Variants in ABCD2 observed in about 807,000 individuals in gnomAD.
The protein encoded by ABCD2 is ATP binding cassette subfamily D member 2.
A neutral mutation model predicts 70.9 loss-of-function variants in ABCD2; 36 were observed. The ratio of observed to expected loss-of-function variants is 0.51; its 90% CI spans 0.39 to 0.67. The LOEUF (loss-of-function observed/expected upper bound fraction) is 0.67, where lower values mean the gene tolerates loss of function less well. Ranked by LOEUF, ABCD2 falls within the 30% of genes least tolerant of loss-of-function variation. The pLI is 0.00. For missense variants in ABCD2, 729 were observed against 890.2 expected (o/e 0.82, Z 2.30); for synonymous variants, 304 against 306.9 (o/e 0.99, Z 0.10).
rs1941469374 is a variant in ABCD2, at chr12:39,573,017, A to T, written c.2003+699T>A. The stretch of plus-strand genomic sequence containing the variant: ...GAGTATGTGATCATGGAAGTATCTC[A>T]CTTTTCTAGTTCTCAGTTTCTTCAT... On this transcript the variant is annotated intron_variant, in intron 9 of 9. Transcript: ENST00000308666. Among the ~76,000 whole-genome samples, 7 of 152,282 alleles carry T rather than the reference A, an allele frequency of 4.6e-5. 1 individual carries two copies. In the South Asian group the frequency reaches 1.5e-3, roughly 32 times the overall value.
chr12:39,575,305 T>G (rs11172667), intron 8 of ABCD2, among the ~76,000 whole-genome samples: 11,287 of 152,214 alleles, frequency 0.074, 601 homozygotes, highest in South Asian at 0.28. Context: ...CAACCTCTAC[T>G]CTAGCAGATG....
intron 2 of ABCD2, among the ~76,000 whole-genome samples, chr12:39,615,941 T>C (rs1052974089): frequency 1.3e-5 from 2 of 152,174 alleles, no homozygotes; most frequent in African/African-American, 4.8e-5. Flanking sequence ...ATATCAAGTA[T>C]AACATGCTCT....
chr12:39,601,821 T>C (rs2120715775), intron 5 of ABCD2, among the ~76,000 whole-genome samples: 1 of 152,218 alleles, frequency 6.6e-6, no homozygotes, highest in South Asian at 2.1e-4. Context: ...AAAAAATTAA[T>C]TTGTTATCTG....
intron 2 of ABCD2, among the ~76,000 whole-genome samples, chr12:39,613,888 A>G (rs999770176): frequency 2.0e-5 from 3 of 152,228 alleles, no homozygotes; most frequent in African/African-American, 7.2e-5. Context: ...TGGATAGTAC[A>G]GCAAATCTGC....
the ABCD2 span, among the ~76,000 whole-genome samples, chr12:39,536,464 A>C: frequency 1.3e-5 from 2 of 152,212 alleles, no homozygotes; most frequent in Non-Finnish European, 2.9e-5. Context: ...GGCACATATA[A>C]ACTGTTCATA....
At chr12:39,541,869 T>C in the ABCD2 span, among the ~76,000 whole-genome samples, 8 of 152,208 alleles carry the variant, frequency 5.3e-5, no homozygotes, top group East Asian at 1.5e-3. Flanking sequence ...GCACATAACA[T>C]TAAGTAAAAG....
the ABCD2 span, among the ~76,000 whole-genome samples, chr12:39,537,552 A>G: frequency 6.6e-6 from 1 of 152,244 alleles, no homozygotes; most frequent in Non-Finnish European, 1.5e-5. Flanking sequence ...AATCAAAATA[A>G]AGCAATCTGG....
intron 6 of ABCD2, among the ~76,000 whole-genome samples, chr12:39,598,419 A>G (rs1461707110): frequency 6.6e-6 from 1 of 152,086 alleles, no homozygotes; most frequent in East Asian, 1.9e-4. Context: ...ACATTTTTTG[A>G]GGTGGAGTTT....
chr12:39,569,431 C>T (rs186923319), intron 9 of ABCD2, among the ~76,000 whole-genome samples: 6 of 152,276 alleles, frequency 3.9e-5, no homozygotes, highest in East Asian at 3.9e-4. Context: ...GAGCCAGGCA[C>T]GGGATATAAT....
At chr12:39,588,213 C>T (rs752209288) in intron 6 of ABCD2, among the ~76,000 whole-genome samples, 1 of 152,082 alleles carries the variant, frequency 6.6e-6, no homozygotes, top group Non-Finnish European at 1.5e-5. Context: ...CTAATATTAT[C>T]CTTTGAGAAG....
the ABCD2 span, among the ~76,000 whole-genome samples, chr12:39,535,439 G>A: frequency 1.3e-5 from 2 of 152,128 alleles, no homozygotes; most frequent in South Asian, 4.1e-4. Context: ...ACATATGTGA[G>A]GGCAAATAAA....
At chr12:39,588,494 C>G (rs111876427) in intron 6 of ABCD2, among the ~76,000 whole-genome samples, 3 of 152,138 alleles carry the variant, frequency 2.0e-5, no homozygotes, top group East Asian at 1.9e-4. Flanking sequence ...CCGCCACAAA[C>G]GAAGGAATGC....
downstream of ABCD2, among the ~76,000 whole-genome samples, chr12:39,548,689 C>T (rs1941050281): frequency 6.6e-6 from 1 of 151,178 alleles, no homozygotes; most frequent in Non-Finnish European, 1.5e-5. Flanking sequence ...TTAATATATA[C>T]AAATTAAATA....
At chr12:39,614,832 C>CT (rs1206565078) in intron 2 of ABCD2, among the ~76,000 whole-genome samples, 1 of 151,930 alleles carries the variant, frequency 6.6e-6, no homozygotes, top group African/African-American at 2.4e-5. Flanking sequence ...GATAGTAACC[C>CT]TTGATATTAC....
intron 9 of ABCD2, among the ~76,000 whole-genome samples, chr12:39,560,265 G>GT (rs1372088566): frequency 1.3e-5 from 2 of 152,074 alleles, no homozygotes; most frequent in Non-Finnish European, 2.9e-5. Flanking sequence ...GTGGTGTTTG[G>GT]TTTTTTGTCC....
rs1246453241 is a variant in ABCD2 at position 39,619,742 on chromosome 12, G to C, written c.-127C>G. On this transcript the variant is annotated 5_prime_UTR_variant, in exon 1 of 10. Transcript: ENST00000308666. ...TAGTCTGCAGCGTTTCTCTTCCACT[G>C]TTGTGTTTTTAATTTTGTTCTGCTG... 1.2e-6 allele frequency: 1 copy of C among 821,624 alleles called. No individual in the cohort carries two copies. The highest frequency in any genetic ancestry group is 2.7e-5 in the East Asian group (1 of 37,426). 50.9% of individuals were successfully genotyped at this position (821,624 alleles called of 1,614,324 possible). A position where few individuals can be genotyped will look rare whatever the true frequency, so the allele number is the denominator to read the frequency against.
Position 39,553,615 on chromosome 12 carries a change from C to A in ABCD2, c.*297G>T, listed in dbSNP as rs1165245985. 10 of 304,132 alleles carry A rather than the reference C, an allele frequency of 3.3e-5. No individual in the cohort carries two copies. The highest frequency in any genetic ancestry group is 4.3e-5 in the Non-Finnish European group (7 of 163,214). The allele number at this position is 304,132 out of a possible 1,614,324, so 18.8% of individuals were successfully genotyped here. ...ATGTTTGTTAAGAACTTCAGACACA[C>A]CACATATACATAGTAAATCTGGTAT... On this transcript the variant is annotated 3_prime_UTR_variant, in exon 10 of 10. Coordinates refer to ENST00000308666, the MANE Select transcript of ABCD2 (RefSeq NM_005164.4).
chr12:39,553,847 G>T lies in ABCD2; in HGVS notation c.*65C>A. ...CTGTGCTTAGCTTAACATACTTCATGCAGTATAACAGAATGTCTTTGAGCC... is the reference window on the plus strand; with the variant it reads ...CTGTGCTTAGCTTAACATACTTCATTCAGTATAACAGAATGTCTTTGAGCC... On this transcript the variant is annotated 3_prime_UTR_variant, in exon 10 of 10. Coordinates refer to ENST00000308666, the MANE Select transcript of ABCD2 (RefSeq NM_005164.4). 8.5e-7 allele frequency: 1 copy of T among 1,179,658 alleles called. No individual in the cohort carries two copies. The highest frequency in any genetic ancestry group is 1.5e-5 in the African/African-American group (1 of 64,780). 73.1% of individuals were successfully genotyped at this position (1,179,658 alleles called of 1,614,324 possible). A position where few individuals can be genotyped will look rare whatever the true frequency, so the allele number is the denominator to read the frequency against.
chr12:39,569,069 G>A (rs1171001267), intron 9 of ABCD2, among the ~76,000 whole-genome samples: 2 of 152,220 alleles, frequency 1.3e-5, no homozygotes, highest in South Asian at 2.1e-4. Context: ...GGCTACTTGG[G>A]TGTCAGGGAC....
Sources: allele counts gnomAD v4.1 joint callset (sites outside exome capture counted in the v4.1 genomes callset), GRCh38; gene constraint gnomAD v4.1.1; transcripts MANE v1.5; gene names NCBI Gene and HGNC (gene_info 2026-07-23, HGNC 2026-07-21).